Variants in ADAMTS18 observed in about 807,000 individuals in gnomAD.
The protein encoded by ADAMTS18 is A disintegrin and metalloproteinase with thrombospondin motifs 18.
In ADAMTS18, 157 loss-of-function variants were observed where a neutral mutation model predicts 165.9. The observed-to-expected ratio is 0.95, with a 90% CI of 0.83 to 1.08. ADAMTS18 has a LOEUF of 1.08. Ranked by LOEUF, ADAMTS18 falls within the 50% of genes least tolerant of loss-of-function variation. The probability of loss-of-function intolerance (pLI) is 0.00; values close to 1 mark genes in which losing one functional copy is unlikely to be tolerated. For synonymous variants in ADAMTS18, 782 were observed against 578.2 expected, an observed-to-expected ratio of 1.35 and a Z score of -5.06; for missense variants, 2,040 against 1,534.0, an observed-to-expected ratio of 1.33 and a Z score of -5.51.
intron 3 of ADAMTS18, among the ~76,000 whole-genome samples, chr16:77,389,468 T>G (rs971589855): frequency 3.3e-5 from 5 of 152,102 alleles, no homozygotes; most frequent in Admixed American, 6.6e-5. Context: ...GTCTGTCAGG[T>G]TAATTCGTTC....
intron 10 of ADAMTS18, among the ~76,000 whole-genome samples, chr16:77,351,609 G>A (rs1027155802): frequency 6.6e-6 from 1 of 152,158 alleles, no homozygotes; most frequent in East Asian, 1.9e-4. Flanking sequence ...ATAACATAAT[G>A]AATCCTTTAG....
At chr16:77,319,273 A>G (rs1056387955) in intron 16 of ADAMTS18, among the ~76,000 whole-genome samples, 6 of 152,192 alleles carry the variant, frequency 3.9e-5, no homozygotes, top group Non-Finnish European at 1.5e-5. Flanking sequence ...TATTCTTGCT[A>G]CATTCTTTGG....
intron 8 of ADAMTS18, 42 bp downstream of exon 8, chr16:77,359,276 A>T: frequency 6.5e-7 from 1 of 1,529,238 alleles, no homozygotes; most frequent in Middle Eastern, 1.8e-4. Context: ...TGAATCACCC[A>T]ACTAGTTTTC....
chr16:77,332,685 G>A (rs916773612), intron 12 of ADAMTS18, among the ~76,000 whole-genome samples: 4 of 152,110 alleles, frequency 2.6e-5, no homozygotes, highest in Non-Finnish European at 5.9e-5. Flanking sequence ...GTGGGAGTTA[G>A]AGCATATAAA....
At chr16:77,287,179 C>G (rs954021815) in intron 22 of ADAMTS18, among the ~76,000 whole-genome samples, 1 of 152,116 alleles carries the variant, frequency 6.6e-6, no homozygotes, top group African/African-American at 2.4e-5. Flanking sequence ...TAGCAGAGTA[C>G]CGTACCTGGT....
At chr16:77,297,201 T>G (rs575434976) in intron 18 of ADAMTS18, 88 bp downstream of exon 18, 2 of 1,538,980 alleles carry the variant, frequency 1.3e-6, no homozygotes, top group East Asian at 4.5e-5. Context: ...CCATTAGCAG[T>G]ATTCACAGTG....
Position 77,283,578 on chromosome 16 carries a change from GAA to G in ADAMTS18, c.*376_*377del, listed in dbSNP as rs1287550481. ...AGTTCTGAGTCTCAGTCTTTGACCT[GAA>G]GTCATAAAGGACCTTTTTAAAACAG... On this transcript the variant is annotated 3_prime_UTR_variant, in exon 23 of 23. Coordinates refer to ENST00000282849, the MANE Select transcript of ADAMTS18 (RefSeq NM_199355.4). 2 of 233,044 alleles carry G rather than the reference GAA, an allele frequency of 8.6e-6. No individual in the cohort carries two copies. Among genetic ancestry groups the G allele is most frequent in the African/African-American group, 4.6e-5 (2 of 43,096 alleles). 14.4% of individuals were successfully genotyped at this position (233,044 alleles called of 1,614,324 possible). A position where few individuals can be genotyped will look rare whatever the true frequency, so the allele number is the denominator to read the frequency against.
At chr16:77,314,425 T>C (rs1011623864) in intron 16 of ADAMTS18, among the ~76,000 whole-genome samples, 2 of 151,778 alleles carry the variant, frequency 1.3e-5, no homozygotes, top group Non-Finnish European at 2.9e-5. Context: ...GTGACCAACA[T>C]GGTGAAACCC....
In ADAMTS18 at chr16:77,335,921, T is replaced by C; in HGVS notation, c.1711-17A>G. The C allele has an allele frequency of 6.2e-7, 1 of 1,614,118 alleles. No homozygotes were observed. The highest frequency in any genetic ancestry group is 8.5e-7 in the Non-Finnish European group (1 of 1,180,010). The stretch of plus-strand genomic sequence containing the variant: ...CCGACACCACTGTGAAAAGAACGTG[T>C]AAGATGGTTCCCGTCAGAGACCACC... On this transcript the variant is annotated splice_polypyrimidine_tract_variant and intron_variant, in intron 11 of 22. Transcript: ENST00000282849.
Position 77,321,078 on chromosome 16 carries a change from C to T in ADAMTS18, c.2287+1G>A. 2 of 1,614,122 alleles carry T rather than the reference C, an allele frequency of 1.2e-6. No individual in the cohort carries two copies. Among genetic ancestry groups the T allele is most frequent in the Non-Finnish European group, 1.7e-6 (2 of 1,180,004 alleles). The stretch of plus-strand genomic sequence containing the variant: ...CAATAACAAACAGCAGCATCTCTCA[C>T]CATTTGCTTTATGCTGGTTGAGGTA... On this transcript the variant is annotated splice_donor_variant, in intron 15 of 22. Coordinates refer to ENST00000282849, the MANE Select transcript of ADAMTS18 (RefSeq NM_199355.4). LOFTEE classifies it high-confidence loss of function.
intron 16 of ADAMTS18, among the ~76,000 whole-genome samples, chr16:77,312,327 C>A (rs1464131084): frequency 6.6e-6 from 1 of 151,968 alleles, no homozygotes; most frequent in Non-Finnish European, 1.5e-5. Flanking sequence ...ACCTCTGCCT[C>A]CTGGGTTCAA....
intron 12 of ADAMTS18, among the ~76,000 whole-genome samples, chr16:77,333,261 A>G (rs1398523251): frequency 6.6e-6 from 1 of 152,084 alleles, no homozygotes; most frequent in Non-Finnish European, 1.5e-5. Context: ...GGAGGGAAGA[A>G]AATGGCACTT....
At chr16:77,424,870 C>A (rs1268368400) in intron 3 of ADAMTS18, among the ~76,000 whole-genome samples, 3 of 152,154 alleles carry the variant, frequency 2.0e-5, no homozygotes, top group African/African-American at 7.2e-5. Flanking sequence ...GTATGTAATT[C>A]AACAAACCCC....
In ADAMTS18 at chr16:77,364,452, T is replaced by C. The variant is rs541820562; in HGVS notation, c.779-71A>G. ...TGGATAAGACAGTTGAGAGAGAAAC[T>C]GAAACAAGGGAAGAAGAGAAACTAT... On this transcript the variant is annotated intron_variant, in intron 4 of 22. Transcript: ENST00000282849. The C allele has an allele frequency of 7.9e-6, 12 of 1,513,350 alleles. No homozygotes were observed. In the East Asian group the frequency reaches 2.3e-4, roughly 29 times the overall value. 93.7% of individuals were successfully genotyped at this position (1,513,350 alleles called of 1,614,324 possible).
chr16:77,361,620 A>G (rs529591397), intron 7 of ADAMTS18, among the ~76,000 whole-genome samples: 2 of 152,348 alleles, frequency 1.3e-5, no homozygotes, highest in South Asian at 4.1e-4. Flanking sequence ...GAGGTGGCTC[A>G]TGCCTGTAGT....
intron 10 of ADAMTS18, among the ~76,000 whole-genome samples, chr16:77,350,645 T>C (rs1233236602): frequency 1.3e-5 from 2 of 152,142 alleles, no homozygotes; most frequent in Non-Finnish European, 2.9e-5. Context: ...CAAATGTGTA[T>C]GTGTGAACGT....
chr16:77,389,179 T>G (rs953201988), intron 3 of ADAMTS18, among the ~76,000 whole-genome samples: 1 of 152,144 alleles, frequency 6.6e-6, no homozygotes, highest in African/African-American at 2.4e-5. Context: ...CACATACCTG[T>G]GGTCTCAGCT....
At chr16:77,375,116 C>T (rs1299101725) in intron 3 of ADAMTS18, among the ~76,000 whole-genome samples, 1 of 152,020 alleles carries the variant, frequency 6.6e-6, no homozygotes, top group South Asian at 2.1e-4. Flanking sequence ...TCTCCCGTGG[C>T]CTCCAATTCA....
chr16:77,392,952 C>G (rs549458748), intron 3 of ADAMTS18, among the ~76,000 whole-genome samples: 1 of 151,618 alleles, frequency 6.6e-6, no homozygotes, highest in African/African-American at 2.4e-5. Flanking sequence ...ATGGAGAGCT[C>G]ATGGTATCTG....
Sources: allele counts gnomAD v4.1 joint callset (sites outside exome capture counted in the v4.1 genomes callset), GRCh38; gene constraint gnomAD v4.1.1; transcripts MANE v1.5; gene names NCBI Gene and HGNC (gene_info 2026-07-23, HGNC 2026-07-21).